Variants in GSTCD observed in about 807,000 individuals in gnomAD.
GSTCD encodes glutathione S-transferase C-terminal domain-containing protein.
GSTCD carries 44 observed loss-of-function variants against 68.3 expected under a neutral mutation model. The observed-to-expected ratio is 0.64, with a 90% CI of 0.51 to 0.83. GSTCD has a LOEUF of 0.83. GSTCD is among the 40% of genes least tolerant of loss of function. The pLI, the probability that GSTCD is intolerant of heterozygous loss-of-function variation, is 0.00. For synonymous variants in GSTCD, 273 were observed against 255.2 expected (o/e 1.07, Z -0.67); for missense variants, 739 against 735.9 (o/e 1.00, Z -0.05).
intron 9 of GSTCD, 136 bp from the exon 10 acceptor site, chr4:105,837,723 T>G: frequency 2.1e-6 from 1 of 475,242 alleles, no homozygotes; most frequent in Non-Finnish European, 3.8e-6. Context: ...CATTTCAAAC[T>G]GGCATAGTTT....
At chr4:105,746,190 A>G (rs995504014) in intron 5 of GSTCD, 2 of 152,318 alleles carry the variant, frequency 1.3e-5, no homozygotes, top group South Asian at 4.1e-4. Context: ...CACATATTTT[A>G]TATGTTATAT....
At chr4:105,764,862 G>A (rs1386087803) in intron 5 of GSTCD, among the ~76,000 whole-genome samples, 3 of 152,104 alleles carry the variant, frequency 2.0e-5, no homozygotes, top group Non-Finnish European at 2.9e-5. Context: ...CAACAAACTA[G>A]CATTGTGCAA....
chr4:105,767,294 T>C (rs1734655304), intron 5 of GSTCD, among the ~76,000 whole-genome samples: 1 of 152,238 alleles, frequency 6.6e-6, no homozygotes. Flanking sequence ...ACAGTCTATT[T>C]ATACATCCAG....
chr4:105,751,326 A>G (rs984655174), intron 5 of GSTCD, among the ~76,000 whole-genome samples: 1 of 152,206 alleles, frequency 6.6e-6, no homozygotes, highest in Non-Finnish European at 1.5e-5. Context: ...AATTAAGAAT[A>G]TTGAAATACT....
chr4:105,719,573 A>G (rs761921977), intron 3 of GSTCD, 46 bp downstream of exon 3: 3 of 1,382,350 alleles, frequency 2.2e-6, no homozygotes, highest in South Asian at 1.2e-5. Flanking sequence ...GTTTCAGTCT[A>G]TGAAATTGCC....
At chr4:105,726,540 A>AAT in intron 3 of GSTCD, 39 bp from the exon 4 acceptor site, 1 of 1,339,124 alleles carries the variant, frequency 7.5e-7, no homozygotes, top group African/African-American at 1.5e-5. Flanking sequence ...TTATAAACAA[A>AAT]ATATATATAA....
intron 8 of GSTCD, among the ~76,000 whole-genome samples, chr4:105,828,681 A>G (rs534034435): frequency 6.6e-6 from 1 of 152,322 alleles, no homozygotes; most frequent in African/African-American, 2.4e-5. Flanking sequence ...GAAGGAAGAT[A>G]AAATTTAAAT....
chr4:105,734,693 C>T (rs187433310), intron 5 of GSTCD, among the ~76,000 whole-genome samples: 11 of 152,354 alleles, frequency 7.2e-5, no homozygotes, highest in African/African-American at 2.2e-4. Flanking sequence ...CAAAGTCATT[C>T]TCTGTCCATC....
intron 3 of GSTCD, among the ~76,000 whole-genome samples, chr4:105,725,810 A>G (rs536401354): frequency 6.6e-6 from 1 of 152,262 alleles, no homozygotes; most frequent in Non-Finnish European, 1.5e-5. Flanking sequence ...ATCATAGGGA[A>G]ATGCAAATTA....
At chr4:105,741,133 CT>C (rs1733617868) in intron 5 of GSTCD, among the ~76,000 whole-genome samples, 1 of 151,832 alleles carries the variant, frequency 6.6e-6, no homozygotes, top group Admixed American at 6.6e-5. Context: ...GTTGCCTTCC[CT>C]TTTCATATTC....
At position 105,719,190 on chromosome 4, in the gene GSTCD, C is replaced by T. The variant is rs1363342517; in HGVS notation, c.557C>T (p.Pro186Leu). Residue 186 changes from proline (P) to leucine (L), a missense_variant, in exon 3 of 12, where the codon CCT becomes CTT. Transcript: ENST00000515279. The stretch of plus-strand genomic sequence containing the variant: ...CAGCTAGAGAAAAAGCTTAGTGAGC[C>T]TGTTAGAGTGCATAATGATGATAAA... The part of the protein sequence containing the change: ...ILQLEKKLSE[P>L]VRVHNDDKLR... The T allele has an allele frequency of 2.5e-6, 4 of 1,613,896 alleles. No homozygotes were observed. The Admixed American group carries it at 6.7e-5, about 27-fold the overall frequency.
chr4:105,760,208 A>G (rs1346160707), intron 5 of GSTCD, among the ~76,000 whole-genome samples: 2 of 151,820 alleles, frequency 1.3e-5, no homozygotes, highest in Non-Finnish European at 2.9e-5. Flanking sequence ...AGTATAAAAT[A>G]CAGTGAATTC....
intron 11 of GSTCD, among the ~76,000 whole-genome samples, chr4:105,844,293 A>G (rs1021765219): frequency 6.6e-6 from 1 of 152,240 alleles, no homozygotes; most frequent in African/African-American, 2.4e-5. Flanking sequence ...AATGTCGGCC[A>G]TAAGGCTGTT....
intron 5 of GSTCD, among the ~76,000 whole-genome samples, chr4:105,739,328 G>T (rs544419476): frequency 1.3e-5 from 2 of 151,964 alleles, no homozygotes; most frequent in African/African-American, 4.8e-5. Context: ...TTTTGTTGTT[G>T]CTGTATTCTT....
intron 5 of GSTCD, among the ~76,000 whole-genome samples, chr4:105,789,708 G>T (rs1298751870): frequency 6.6e-6 from 1 of 151,908 alleles, no homozygotes; most frequent in Non-Finnish European, 1.5e-5. Context: ...CTCATTTGAA[G>T]TGAGTCACTA....
At chr4:105,769,228 C>T (rs1251644432) in intron 5 of GSTCD, among the ~76,000 whole-genome samples, 2 of 53,998 alleles carry the variant, frequency 3.7e-5, no homozygotes, top group African/African-American at 7.7e-5. Flanking sequence ...ATACTATACA[C>T]GCGCGCACAC....
chr4:105,823,453 G>A (rs564655476), intron 7 of GSTCD, 178 bp downstream of exon 7: 1 of 473,618 alleles, frequency 2.1e-6, no homozygotes, highest in African/African-American at 2.0e-5. Context: ...GGAAAAAAAA[G>A]TAAAGTAAGA....
At chr4:105,749,629 C>T (rs1290749591) in intron 5 of GSTCD, among the ~76,000 whole-genome samples, 1 of 150,692 alleles carries the variant, frequency 6.6e-6, no homozygotes, top group African/African-American at 2.4e-5. Flanking sequence ...AAAAAAATCT[C>T]TACCTAAATT....
intron 5 of GSTCD, among the ~76,000 whole-genome samples, chr4:105,802,638 A>G (rs1449870882): frequency 6.6e-6 from 1 of 152,124 alleles, no homozygotes; most frequent in Non-Finnish European, 1.5e-5. Flanking sequence ...CCATAAGTTT[A>G]CATTTCATCA....
Sources: allele counts gnomAD v4.1 joint callset (sites outside exome capture counted in the v4.1 genomes callset), GRCh38; gene constraint gnomAD v4.1.1; transcripts MANE v1.5; gene names NCBI Gene and HGNC (gene_info 2026-07-23, HGNC 2026-07-21).